Variants in C12orf60 observed in about 807,000 individuals in gnomAD.
C12orf60 encodes uncharacterized protein C12orf60.
For synonymous variants in C12orf60, 102 were observed against 94.6 expected (o/e 1.08, Z -0.45); for missense variants, 284 against 283.2 (o/e 1.00, Z -0.02).
intron 1 of C12orf60, among the ~76,000 whole-genome samples, chr12:14,816,809 A>T (rs1461132610): frequency 6.9e-6 from 1 of 145,724 alleles, no homozygotes; most frequent in Non-Finnish European, 1.5e-5. Flanking sequence ...CAGTGGTGCC[A>T]TCTTGGCTCA....
chr12:14,807,198 C>T (rs1950065234), intron 1 of C12orf60, among the ~76,000 whole-genome samples: 1 of 152,162 alleles, frequency 6.6e-6, no homozygotes, highest in African/African-American at 2.4e-5. Flanking sequence ...GTGTAGGCAA[C>T]AGAATACAAC....
At chr12:14,808,380 T>A (rs1220747811) in intron 1 of C12orf60, among the ~76,000 whole-genome samples, 2 of 152,074 alleles carry the variant, frequency 1.3e-5, no homozygotes, top group African/African-American at 4.8e-5. Context: ...TTTTTTTTTT[T>A]AAATTACACT....
intron 1 of C12orf60, chr12:14,804,745 T>C (rs1481209930): frequency 6.6e-6 from 1 of 152,236 alleles, no homozygotes; most frequent in African/African-American, 2.4e-5. Context: ...TGAAAAACAA[T>C]GCAAGAAGAG....
chr12:14,813,134 T>C (rs1015242622), intron 1 of C12orf60, among the ~76,000 whole-genome samples: 4 of 152,222 alleles, frequency 2.6e-5, no homozygotes, highest in Non-Finnish European at 2.9e-5. Flanking sequence ...ATTATATTAT[T>C]GTCTCTACTT....
At chr12:14,820,607 GTTGT>G (rs1950291594) in intron 1 of C12orf60, among the ~76,000 whole-genome samples, 1 of 151,760 alleles carries the variant, frequency 6.6e-6, no homozygotes, top group Non-Finnish European at 1.5e-5. Context: ...TTAAGGGTGT[GTTGT>G]TTAATTTACA....
Position 14,824,231 on chromosome 12 carries a change from A to T in C12orf60, c.*558A>T, listed in dbSNP as rs1950346876. 6.6e-6 allele frequency: 1 copy of T among 152,280 alleles called. No homozygotes were observed. The highest frequency in any genetic ancestry group is 1.5e-5 in the Non-Finnish European group (1 of 68,076). The allele number at this position is 152,280 out of a possible 1,614,324, so 9.4% of individuals were successfully genotyped here. Reference sequence around the variant, plus strand: ...TTTTCTTGCTTATGTGAGTAAGACCAGAACAGATAGTTCATTCTCACTTGT... The same window carrying T: ...TTTTCTTGCTTATGTGAGTAAGACCTGAACAGATAGTTCATTCTCACTTGT... On this transcript the variant is annotated 3_prime_UTR_variant, in exon 2 of 2. Coordinates refer to ENST00000330828, the MANE Select transcript of C12orf60 (RefSeq NM_175874.4).
rs1950347329 is a variant in C12orf60, at chr12:14,824,306, A to C, written c.*633A>C. 1 of 152,224 alleles carries C rather than the reference A, an allele frequency of 6.6e-6. No homozygotes were observed. The highest frequency in any genetic ancestry group is 1.5e-5 in the Non-Finnish European group (1 of 68,048). 9.4% of individuals were successfully genotyped at this position (152,224 alleles called of 1,614,324 possible). On this transcript the variant is annotated 3_prime_UTR_variant, in exon 2 of 2. Coordinates refer to ENST00000330828, the MANE Select transcript of C12orf60 (RefSeq NM_175874.4). ...ATACTAGAGGTGGAAAAATGGAAGT[A>C]CTCTAGCCTTTCACAAAGAAAAGAC... is the stretch of plus-strand genomic sequence containing the variant.
intron 1 of C12orf60, chr12:14,806,377 T>A: frequency 6.2e-7 from 1 of 1,614,256 alleles, no homozygotes; most frequent in East Asian, 2.2e-5. Context: ...TTTTCCTTAA[T>A]ATCCTGAAGT....
At chr12:14,811,247 G>A (rs1950131422) in intron 1 of C12orf60, among the ~76,000 whole-genome samples, 1 of 152,190 alleles carries the variant, frequency 6.6e-6, no homozygotes, top group Non-Finnish European at 1.5e-5. Flanking sequence ...TCCATGAAAT[G>A]GGTTCTGTAG....
intron 1 of C12orf60, among the ~76,000 whole-genome samples, chr12:14,811,187 C>A (rs1950130238): frequency 6.6e-6 from 1 of 152,184 alleles, no homozygotes; most frequent in Non-Finnish European, 1.5e-5. Context: ...GAATTACCAT[C>A]CACTTTTGTA....
At chr12:14,806,790 G>T in intron 1 of C12orf60, 1 of 1,110,932 alleles carries the variant, frequency 9.0e-7, no homozygotes, top group Non-Finnish European at 1.3e-6. Context: ...TTCATGCATA[G>T]CAAAGAAGCA....
At chr12:14,820,425 A>C (rs1950288438) in intron 1 of C12orf60, among the ~76,000 whole-genome samples, 1 of 152,024 alleles carries the variant, frequency 6.6e-6, no homozygotes, top group Non-Finnish European at 1.5e-5. Flanking sequence ...CTTAAGATAG[A>C]AGTTAAAATT....
intron 1 of C12orf60, among the ~76,000 whole-genome samples, chr12:14,808,494 A>G (rs945900770): frequency 6.6e-5 from 10 of 152,126 alleles, no homozygotes; most frequent in African/African-American, 9.7e-5. Context: ...TTTGGACCGT[A>G]TGTCTTCTAG....
chr12:14,817,047 T>G (rs1200450035), intron 1 of C12orf60, among the ~76,000 whole-genome samples: 2 of 152,134 alleles, frequency 1.3e-5, no homozygotes, highest in African/African-American at 2.4e-5. Flanking sequence ...AATATAAATC[T>G]AAGAATATAT....
intron 1 of C12orf60, chr12:14,806,267 T>G: frequency 1.2e-6 from 2 of 1,614,262 alleles, no homozygotes; most frequent in Non-Finnish European, 1.7e-6. Context: ...TTGTGACATT[T>G]GAGCCCACAA....
intron 1 of C12orf60, among the ~76,000 whole-genome samples, chr12:14,808,829 A>G (rs1443750649): frequency 1.3e-5 from 2 of 152,214 alleles, no homozygotes; most frequent in African/African-American, 2.4e-5. Context: ...ACACATTTCC[A>G]CAAAACAATA....
rs770794823 is a variant in C12orf60, at chr12:14,823,285, G to A, written c.350G>A (p.Ser117Asn). 1.9e-6 allele frequency: 3 copies of A among 1,613,962 alleles called. No individual in the cohort carries two copies. Among genetic ancestry groups the A allele is most frequent in the Non-Finnish European group, 2.5e-6 (3 of 1,180,022 alleles). Residue 117 changes from serine (S) to asparagine (N), a missense_variant, in exon 2 of 2, where the codon AGT becomes AAT. By Grantham distance (46) the Ser-to-Asn change is conservative. Transcript: ENST00000330828. ...LHQSAKEVFK[S>N]AHTPVIISVL... ...CAGTCAGCTAAAGAAGTATTCAAAA[G>A]TGCCCATACGCCAGTCATCATCTCT...
chr12:14,819,280 GTATTT>G (rs1465503046), intron 1 of C12orf60, among the ~76,000 whole-genome samples: 2 of 151,934 alleles, frequency 1.3e-5, no homozygotes, highest in Non-Finnish European at 1.5e-5. Context: ...TTATATTTAA[GTATTT>G]TATTGAGAGA....
intron 1 of C12orf60, chr12:14,805,303 G>A (rs924012913): frequency 3.9e-5 from 6 of 152,162 alleles, no homozygotes; most frequent in African/African-American, 1.4e-4. Context: ...ATTCACTTGA[G>A]CGATATTTAA....
Sources: allele counts gnomAD v4.1 joint callset (sites outside exome capture counted in the v4.1 genomes callset), GRCh38; gene constraint gnomAD v4.1.1; transcripts MANE v1.5; gene names NCBI Gene and HGNC (gene_info 2026-07-23, HGNC 2026-07-21).